GALNT13: variants seen among roughly 807,000 people sequenced by gnomAD.
The protein encoded by GALNT13 is polypeptide N-acetylgalactosaminyltransferase 13.
A neutral mutation model predicts 64.2 loss-of-function variants in GALNT13; 28 were observed. That is an observed-to-expected ratio of 0.44 (90% CI 0.32 to 0.60). GALNT13 has a LOEUF of 0.60. GALNT13 is among the 20% of genes least tolerant of loss of function. The pLI, the probability that GALNT13 is intolerant of heterozygous loss-of-function variation, is 0.05. For synonymous variants in GALNT13, 214 were observed against 224.6 expected (o/e 0.95, Z 0.42); for missense variants, 577 against 669.8 (o/e 0.86, Z 1.53).
the GALNT13 span, among the ~76,000 whole-genome samples, chr2:153,567,318 A>T: frequency 6.6e-6 from 1 of 152,246 alleles, no homozygotes; most frequent in African/African-American, 2.4e-5. Context: ...TGCTCTTCAG[A>T]AATCAGCAGT....
the GALNT13 span, among the ~76,000 whole-genome samples, chr2:153,340,871 G>A: frequency 6.6e-6 from 1 of 152,186 alleles, no homozygotes; most frequent in Admixed American, 6.5e-5. Context: ...GAGGCAGCAT[G>A]ATAGAGAACA....
chr2:153,647,335 G>C, the GALNT13 span, among the ~76,000 whole-genome samples: 374 of 152,106 alleles, frequency 2.5e-3, 2 homozygotes, highest in African/African-American at 8.5e-3. Context: ...TTGTAAATTT[G>C]TTTGAGTTCA....
the GALNT13 span, among the ~76,000 whole-genome samples, chr2:153,093,748 A>G: frequency 6.6e-6 from 1 of 152,094 alleles, no homozygotes; most frequent in African/African-American, 2.4e-5. Flanking sequence ...TTTGAGTAGG[A>G]TTGATGTTAG....
the GALNT13 span, among the ~76,000 whole-genome samples, chr2:153,543,053 C>T: frequency 1.2e-4 from 19 of 152,242 alleles, no homozygotes; most frequent in East Asian, 1.9e-4. Flanking sequence ...TTTCTTTCCA[C>T]GCCCCATTGA....
the GALNT13 span, among the ~76,000 whole-genome samples, chr2:153,520,642 C>T: frequency 4.6e-5 from 7 of 152,070 alleles, no homozygotes; most frequent in Non-Finnish European, 1.0e-4. Context: ...GAGAGGTTGG[C>T]GCATTGGCAC....
rs575657934 is a variant in GALNT13, at chr2:153,982,472, A to G, written c.142+37833A>G. On this transcript the variant is annotated intron_variant, in intron 3 of 12. Transcript: ENST00000392825. ...TGCTGAAAACTGCAAATTTTGTTAT[A>G]AGTTGTAGTAGTCATCTATCACCAA... 2.6e-5 allele frequency among the ~76,000 whole-genome samples: 4 copies of G among 152,196 alleles called. No individual in the cohort carries two copies. In the East Asian group the frequency reaches 5.8e-4, roughly 22 times the overall value.
the GALNT13 span, among the ~76,000 whole-genome samples, chr2:153,629,808 G>C: frequency 2.1e-5 from 3 of 143,042 alleles, no homozygotes; most frequent in African/African-American, 5.5e-5. Flanking sequence ...CAAGAAAAAA[G>C]CAAACAACCC....
intron 1 of GALNT13, among the ~76,000 whole-genome samples, chr2:153,889,669 A>C (rs1258062041): frequency 6.6e-6 from 1 of 152,056 alleles, no homozygotes. Flanking sequence ...TGGGCCAGTA[A>C]AATGCTGCTA....
At chr2:154,292,852 A>G (rs1056116820) in intron 8 of GALNT13, among the ~76,000 whole-genome samples, 2 of 152,192 alleles carry the variant, frequency 1.3e-5, no homozygotes, top group Non-Finnish European at 2.9e-5. Context: ...TGCAAAGTGG[A>G]GCTTATGAAG....
chr2:153,574,486 A>C, the GALNT13 span, among the ~76,000 whole-genome samples: 1 of 151,994 alleles, frequency 6.6e-6, no homozygotes, highest in Non-Finnish European at 1.5e-5. Context: ...AAGGCCTTAA[A>C]TTTGCCCTTC....
At chr2:153,475,444 CTGCATTT>C in the GALNT13 span, among the ~76,000 whole-genome samples, 2 of 152,172 alleles carry the variant, frequency 1.3e-5, no homozygotes, top group African/African-American at 4.8e-5. Flanking sequence ...TAAAGAGAAA[CTGCATTT>C]TGCTTTTGAG....
the GALNT13 span, among the ~76,000 whole-genome samples, chr2:153,402,423 A>G: frequency 6.6e-5 from 10 of 151,024 alleles, no homozygotes; most frequent in East Asian, 1.9e-4. Context: ...TGCTCTTCTC[A>G]AGGAGTATCT....
rs116374823 is a variant in GALNT13 at position 154,396,073 on chromosome 2, C to T, written c.1239C>T (p.Tyr413=). The part of the protein sequence containing the change: ...ENLKCKPFSW[Y]LENIYPDSQI... ...TGAAGTGTAAGCCCTTTTCTTGGTA[C>T]CTAGAAAACATCTATCCGGACTCCC... Residue 413 remains tyrosine, a synonymous_variant, in exon 10 of 13, where the codon TAC becomes TAT. Transcript: ENST00000392825. 55 of 1,610,518 alleles carry T rather than the reference C, an allele frequency of 3.4e-5. No individual in the cohort carries two copies. Among genetic ancestry groups the T allele is most frequent in the Non-Finnish European group, 4.7e-5 (55 of 1,178,000 alleles).
chr2:153,275,289 AT>A, the GALNT13 span, among the ~76,000 whole-genome samples: 1 of 152,150 alleles, frequency 6.6e-6, no homozygotes, highest in Non-Finnish European at 1.5e-5. Context: ...TGTTTTAGAG[AT>A]TACTTTATGT....
At chr2:153,282,059 C>T in the GALNT13 span, among the ~76,000 whole-genome samples, 2 of 151,866 alleles carry the variant, frequency 1.3e-5, no homozygotes, top group African/African-American at 4.8e-5. Context: ...GGTTCAGTCA[C>T]TTTACATAAT....
the GALNT13 span, among the ~76,000 whole-genome samples, chr2:153,817,982 A>G: frequency 6.6e-6 from 1 of 151,978 alleles, no homozygotes; most frequent in East Asian, 1.9e-4. Context: ...AGTAAATACC[A>G]CCTCTTCAGG....
At chr2:154,286,739 T>C in intron 8 of GALNT13, 1 of 321,028 alleles carries the variant, frequency 3.1e-6, no homozygotes. Context: ...GACATTGTGG[T>C]ACAGGAAGGG....
At chr2:153,901,497 C>G (rs567243976) in intron 2 of GALNT13, among the ~76,000 whole-genome samples, 3 of 152,022 alleles carry the variant, frequency 2.0e-5, no homozygotes, top group Admixed American at 2.0e-4. Context: ...ATTTCTTTGA[C>G]CAGTGTTTTG....
the GALNT13 span, among the ~76,000 whole-genome samples, chr2:153,633,005 C>T: frequency 6.6e-6 from 1 of 152,126 alleles, no homozygotes; most frequent in Non-Finnish European, 1.5e-5. Flanking sequence ...AATTAATCCA[C>T]CCGCTTCGGC....
Sources: allele counts gnomAD v4.1 joint callset (sites outside exome capture counted in the v4.1 genomes callset), GRCh38; gene constraint gnomAD v4.1.1; transcripts MANE v1.5; gene names NCBI Gene and HGNC (gene_info 2026-07-23, HGNC 2026-07-21).